IGSF3: variants seen among roughly 807,000 people sequenced by gnomAD.
IGSF3 encodes the protein glu-Trp-Ile EWI motif-containing protein 3.
IGSF3 carries 23 observed loss-of-function variants against 114.4 expected under a neutral mutation model. The observed-to-expected ratio is 0.20, with a 90% CI of 0.14 to 0.28. The LOEUF (loss-of-function observed/expected upper bound fraction) is 0.28. IGSF3 is among the 10% of genes least tolerant of loss of function. IGSF3 has a pLI of 1.00. For missense variants in IGSF3, 1,172 were observed against 1,591.5 expected (o/e 0.74, Z 4.48); for synonymous variants, 571 against 645.2 (o/e 0.88, Z 1.74).
chr1:116,582,841 G>A lies in IGSF3; in HGVS notation c.2848+1804C>T, dbSNP rs1386207186. 1.3e-5 allele frequency among the ~76,000 whole-genome samples: 2 copies of A among 152,294 alleles called. No individual in the cohort carries two copies. The highest frequency in any genetic ancestry group is 2.1e-4 in the South Asian group (1 of 4,828). ...AGATATTTGTAGGCCGTGAGATTAT[G>A]GCTAACCTTTCTTTTCAAAATTATA... is the stretch of plus-strand genomic sequence containing the variant. On this transcript the variant is annotated intron_variant, in intron 9 of 10. Transcript: ENST00000369486. The surrounding 1 kb of genome is among the most constrained non-coding windows in gnomAD (Gnocchi z 4.7).
Position 116,593,063 on chromosome 1 carries a change from G to T in IGSF3, c.2030-3959C>A, listed in dbSNP as rs1557861163. Among the ~76,000 whole-genome samples the T allele has an allele frequency of 6.6e-6, 1 of 152,198 alleles. No individual in the cohort carries two copies. The highest frequency in any genetic ancestry group is 1.5e-5 in the Non-Finnish European group (1 of 68,042). On this transcript the variant is annotated intron_variant, in intron 7 of 10. Coordinates refer to ENST00000369486, the MANE Select transcript of IGSF3 (RefSeq NM_001007237.3). This position sits in a 1 kb window ranked among gnomAD's most constrained non-coding sequence, Gnocchi z 4.5. ...CAAGTGCTCAGGTGTAGTGGATGAGGTTAGAAAGGTAAGCTTCGGCCACAC... is the reference window on the plus strand; with the variant it reads ...CAAGTGCTCAGGTGTAGTGGATGAGTTTAGAAAGGTAAGCTTCGGCCACAC...
Position 116,614,797 on chromosome 1 carries a change from G to C in IGSF3, c.422-622C>G, listed in dbSNP as rs985364480. Reference sequence around the variant, plus strand: ...CCTCACTGGAAGGAAGCCACAGTCTGGAGAGATTCAGGCAAGAGAAGAGAT... The same window carrying C: ...CCTCACTGGAAGGAAGCCACAGTCTCGAGAGATTCAGGCAAGAGAAGAGAT... On this transcript the variant is annotated intron_variant, in intron 3 of 10. Transcript: ENST00000369486. The surrounding 1 kb of genome is among the most constrained non-coding windows in gnomAD (Gnocchi z 4.5). Among the ~76,000 whole-genome samples the C allele has an allele frequency of 2.0e-5, 3 of 152,144 alleles. No individual in the cohort carries two copies. The highest frequency in any genetic ancestry group is 4.4e-5 in the Non-Finnish European group (3 of 68,022).
At position 116,632,819 on chromosome 1, in the gene IGSF3, C is replaced by T. The variant is rs1438535021; in HGVS notation, c.44-16362G>A. Among the ~76,000 whole-genome samples the T allele has an allele frequency of 1.3e-5, 2 of 152,100 alleles. No homozygotes were observed. Among genetic ancestry groups the T allele is most frequent in the Non-Finnish European group, 2.9e-5 (2 of 68,018 alleles). On this transcript the variant is annotated intron_variant, in intron 2 of 10. Transcript: ENST00000369486. The surrounding 1 kb of genome is among the most constrained non-coding windows in gnomAD (Gnocchi z 5.1). Reference sequence around the variant, plus strand: ...AGGCTGCAGCGAGAAACAAGTGGGGCCACAGAGAGAAAGGGGTTTTGAAAA... The same window carrying T: ...AGGCTGCAGCGAGAAACAAGTGGGGTCACAGAGAGAAAGGGGTTTTGAAAA...
In IGSF3 at chr1:116,667,624, C is replaced by G. The variant is rs1343784612; in HGVS notation, c.-637G>C. Reference sequence around the variant, plus strand: ...CGCCCCCGCCGAGCCTGACCTCGCCCCTGGCCCTCTCCCTCCGCGCGCGTC... The same window carrying G: ...CGCCCCCGCCGAGCCTGACCTCGCCGCTGGCCCTCTCCCTCCGCGCGCGTC... On this transcript the variant is annotated 5_prime_UTR_variant, in exon 1 of 11. Transcript: ENST00000369486. The G allele has an allele frequency of 6.6e-6, 1 of 151,684 alleles. No individual in the cohort carries two copies. The highest frequency in any genetic ancestry group is 2.4e-5 in the African/African-American group (1 of 41,344). The allele number at this position is 151,684 out of a possible 1,614,324, so 9.4% of individuals were successfully genotyped here. A position where few individuals can be genotyped will look rare whatever the true frequency, so the allele number is the denominator to read the frequency against.
chr1:116,583,453 T>C lies in IGSF3; in HGVS notation c.2848+1192A>G, dbSNP rs186477437. Among the ~76,000 whole-genome samples, 6 of 152,340 alleles carry C rather than the reference T, an allele frequency of 3.9e-5. No homozygotes were observed. The highest frequency in any genetic ancestry group is 3.9e-4 in the Admixed American group (6 of 15,308). ...ACACAGGCGAGTGAGATACTGCCCA[T>C]TTCCTATAACCAAGGCTGCAGTGCC... On this transcript the variant is annotated intron_variant, in intron 9 of 10. Coordinates refer to ENST00000369486, the MANE Select transcript of IGSF3 (RefSeq NM_001007237.3). This position sits in a 1 kb window ranked among gnomAD's most constrained non-coding sequence, Gnocchi z 4.5.
Position 116,583,496 on chromosome 1 carries a change from A to G in IGSF3, c.2848+1149T>C, listed in dbSNP as rs935147308. Among the ~76,000 whole-genome samples the G allele has an allele frequency of 1.3e-5, 2 of 152,242 alleles. No homozygotes were observed. The highest frequency in any genetic ancestry group is 2.9e-5 in the Non-Finnish European group (2 of 68,044). ...GCAGTGCCTCCCTGAAGCATGTTCC[A>G]TGACATAAGAGACCTGGCACCACCC... On this transcript the variant is annotated intron_variant, in intron 9 of 10. Transcript: ENST00000369486. This position sits in a 1 kb window ranked among gnomAD's most constrained non-coding sequence, Gnocchi z 4.5.
Position 116,595,846 on chromosome 1 carries a change from TAAAAG to T in IGSF3, c.2029+4090_2029+4094del, listed in dbSNP as rs531364625. ...AAGCAAGGCAATTATGCTTCACAAT[TAAAAG>T]AGAAAAGAACTGATTAAGAGCTAAT... On this transcript the variant is annotated intron_variant, in intron 7 of 10. Coordinates refer to ENST00000369486, the MANE Select transcript of IGSF3 (RefSeq NM_001007237.3). This position sits in a 1 kb window ranked among gnomAD's most constrained non-coding sequence, Gnocchi z 4.2. 1.6e-4 allele frequency among the ~76,000 whole-genome samples: 24 copies of T among 152,278 alleles called. No individual in the cohort carries two copies. In the East Asian group the frequency reaches 4.4e-3, roughly 28 times the overall value.
intron 2 of IGSF3, among the ~76,000 whole-genome samples, chr1:116,643,701 G>A (rs1357864466): frequency 6.6e-6 from 1 of 152,200 alleles, no homozygotes; most frequent in Admixed American, 6.5e-5. Context: ...AGGTGTCTAC[G>A]GGCACGTCTT....
intron 10 of IGSF3, among the ~76,000 whole-genome samples, chr1:116,578,549 C>T (rs1026384626): frequency 7.9e-5 from 12 of 152,104 alleles, no homozygotes; most frequent in African/African-American, 1.7e-4. Flanking sequence ...AATGTGAGCA[C>T]GGGGTGATCA....
chr1:116,608,189 G>C lies in IGSF3; in HGVS notation c.975C>G (p.Ile325Met). The C allele has an allele frequency of 6.2e-7, 1 of 1,611,450 alleles. No homozygotes were observed. Among genetic ancestry groups the C allele is most frequent in the South Asian group, 1.1e-5 (1 of 90,980 alleles). Reference protein sequence around the residue: ...AVSWAFNSSLIATMGPNAVPV... With the variant: ...AVSWAFNSSLMATMGPNAVPV... The stretch of plus-strand genomic sequence containing the variant: ...GCACAGCGTTAGGACCCATGGTGGC[G>C]ATGAGCGAGCTGTTGAAGGCCCAGG... Residue 325 changes from isoleucine (I) to methionine (M), a missense_variant, in exon 5 of 11, where the codon ATC becomes ATG. Physicochemically the swap from Ile to Met is conservative, Grantham distance 10 (BLOSUM62 1). Around this residue, in one of 3 missense-constraint regions of IGSF3, gnomAD observed 736 missense variants for 1,042.0 expected, o/e 0.71. Transcript: ENST00000369486.
At chr1:116,667,331 G>A (rs1649377371) in intron 1 of IGSF3, among the ~76,000 whole-genome samples, 1 of 152,150 alleles carries the variant, frequency 6.6e-6, no homozygotes, top group South Asian at 2.1e-4. Flanking sequence ...TGCGCGCGAC[G>A]CGTCCCAGGT....
chr1:116,666,784 G>C lies in IGSF3; in HGVS notation c.-458C>G, dbSNP rs1649350895. On this transcript the variant is annotated 5_prime_UTR_variant, in exon 2 of 11. It introduces an in-frame stop codon into an upstream open reading frame of the 5' UTR. Coordinates refer to ENST00000369486, the MANE Select transcript of IGSF3 (RefSeq NM_001007237.3). Reference sequence around the variant, plus strand: ...CAGGGCAGGTTTCGTCAAAACCTTTGACGGCCAAATCACCCTGCCTGGCAT... The same window carrying C: ...CAGGGCAGGTTTCGTCAAAACCTTTCACGGCCAAATCACCCTGCCTGGCAT... 4.8e-6 allele frequency: 2 copies of C among 413,528 alleles called. No homozygotes were observed. The highest frequency in any genetic ancestry group is 8.5e-6 in the Non-Finnish European group (2 of 234,718). The allele number at this position is 413,528 out of a possible 1,614,324, so 25.6% of individuals were successfully genotyped here. A position where few individuals can be genotyped will look rare whatever the true frequency, so the allele number is the denominator to read the frequency against.
At chr1:116,608,375 G>C (rs1660880387) in intron 4 of IGSF3, 44 bp from the exon 5 acceptor site, 1 of 1,505,490 alleles carries the variant, frequency 6.6e-7, no homozygotes, top group Non-Finnish European at 9.1e-7. Context: ...GGGTGAATGA[G>C]GGCCCCAGCC....
At position 116,598,927 on chromosome 1, in the gene IGSF3, T is replaced by C. The variant is rs1660454101; in HGVS notation, c.2029+1014A>G. On this transcript the variant is annotated intron_variant, in intron 7 of 10. Transcript: ENST00000369486. This position sits in a 1 kb window ranked among gnomAD's most constrained non-coding sequence, Gnocchi z 4.3. ...CGAGAGTGTTTGCAGAAAGCCCCAC[T>C]GACTAATGCTCCCCAAATTAATGCA... 6.6e-6 allele frequency among the ~76,000 whole-genome samples: 1 copy of C among 152,326 alleles called. No homozygotes were observed. Among genetic ancestry groups the C allele is most frequent in the African/African-American group, 2.4e-5 (1 of 41,586 alleles).
At position 116,588,910 on chromosome 1, in the gene IGSF3, C is replaced by T. The variant is rs759250592; in HGVS notation, c.2224G>A (p.Gly742Ser). The T allele has an allele frequency of 6.8e-6, 11 of 1,614,058 alleles. No homozygotes were observed. Among genetic ancestry groups the T allele is most frequent in the Admixed American group, 5.0e-5 (3 of 59,998 alleles). ...KTTHNSAFEY[G>S]TYAEEEGLRA... is the part of the protein sequence containing the mutation. ...AGGCCCTCCTCCTCGGCGTAAGTAC[C>T]GTATTCAAAGGCGGAGTTGTGGGTG... The change falls in exon 8 of 11, where the codon GGT becomes AGT. Residue 742 changes from glycine (G) to serine (S), a missense_variant. Gly to Ser is a moderately conservative substitution (Grantham distance 56). Around this residue, in one of 3 missense-constraint regions of IGSF3, gnomAD observed 736 missense variants for 1,042.0 expected, o/e 0.71. Transcript: ENST00000369486. This position sits in a 1 kb window ranked among gnomAD's most constrained non-coding sequence, Gnocchi z 4.9.
At position 116,577,160 on chromosome 1, in the gene IGSF3, C is replaced by G; in HGVS notation, c.*152G>C. ...ACTGCCACCGAGAGGCAGTCTGTCTCTGTGACTGACTGGGAACTTGGAACA... is the reference window on the plus strand; with the variant it reads ...ACTGCCACCGAGAGGCAGTCTGTCTGTGTGACTGACTGGGAACTTGGAACA... On this transcript the variant is annotated 3_prime_UTR_variant, in exon 11 of 11. Transcript: ENST00000369486. The surrounding 1 kb of genome is among the most constrained non-coding windows in gnomAD (Gnocchi z 5.7). The G allele has an allele frequency of 1.2e-6, 1 of 808,542 alleles. No homozygotes were observed. The highest frequency in any genetic ancestry group is 1.9e-6 in the Non-Finnish European group (1 of 522,564). The allele number at this position is 808,542 out of a possible 1,614,324, so 50.1% of individuals were successfully genotyped here.
At position 116,612,762 on chromosome 1, in the gene IGSF3, C is replaced by T. The variant is rs1273397595; in HGVS notation, c.832+1003G>A. On this transcript the variant is annotated intron_variant, in intron 4 of 10. Transcript: ENST00000369486. The surrounding 1 kb of genome is among the most constrained non-coding windows in gnomAD (Gnocchi z 4.1). ...AAGGAAAGGCTTTCAGGCCACTCAT[C>T]GCCAACTTAGTGATGGCACAACAAC... Among the ~76,000 whole-genome samples the T allele has an allele frequency of 2.6e-5, 4 of 152,232 alleles. No individual in the cohort carries two copies. The highest frequency in any genetic ancestry group is 4.1e-4 in the South Asian group (2 of 4,836).
rs527404753 is a variant in IGSF3 at position 116,648,445 on chromosome 1, T to C, written c.43+17839A>G. Among the ~76,000 whole-genome samples the C allele has an allele frequency of 6.5e-4, 99 of 152,324 alleles. 1 individual carries two copies. The highest frequency in any genetic ancestry group is 5.9e-4 in the Non-Finnish European group (40 of 68,032). ...GCCTTTCCCACGTGTCTAACTCTGC[T>C]TTGTTTAAAGCACAGTCAGACCCGC... On this transcript the variant is annotated intron_variant, in intron 2 of 10. Transcript: ENST00000369486. This position sits in a 1 kb window ranked among gnomAD's most constrained non-coding sequence, Gnocchi z 4.7.
chr1:116,631,401 G>C (rs1024686758), intron 2 of IGSF3, among the ~76,000 whole-genome samples: 8 of 151,018 alleles, frequency 5.3e-5, no homozygotes, highest in Admixed American at 5.3e-4. Flanking sequence ...TAAGGAAACA[G>C]ATATTCCAAA....
Sources: allele counts gnomAD v4.1 joint callset (sites outside exome capture counted in the v4.1 genomes callset), GRCh38; gene constraint gnomAD v4.1.1; regional missense constraint gnomAD v4.1.1; non-coding constraint Gnocchi (gnomAD v3.1); transcripts MANE v1.5; gene names NCBI Gene and HGNC (gene_info 2026-07-23, HGNC 2026-07-21).